The following MEOX2 variants were observed in gnomAD, a reference collection of about 807,000 sequenced individuals.
The protein encoded by MEOX2 is homeobox protein MOX-2.
Under a neutral mutation model 27.0 loss-of-function variants are expected in MEOX2, and 11 were observed. The observed-to-expected ratio is 0.41, with a 90% CI of 0.26 to 0.68. The LOEUF is 0.68. Among genes scored for constraint, MEOX2 ranks in the 30% least tolerant of loss-of-function variants. The pLI is 0.33. For missense variants in MEOX2, 436 were observed against 385.4 expected, an observed-to-expected ratio of 1.13 and a Z score of -1.10; for synonymous variants, 189 against 155.4, an observed-to-expected ratio of 1.22 and a Z score of -1.61.
chr7:15,680,375 G>C (rs534014602), intron 1 of MEOX2: 2 of 151,752 alleles, frequency 1.3e-5, no homozygotes, highest in Admixed American at 6.6e-5. Flanking sequence ...TAGAGAAATG[G>C]GCATCAGATT....
chr7:15,619,785 T>C (rs545117368), intron 2 of MEOX2, among the ~76,000 whole-genome samples: 3 of 152,148 alleles, frequency 2.0e-5, no homozygotes, highest in African/African-American at 7.2e-5. Context: ...AAAGGTAACG[T>C]TTATTTTTCT....
chr7:15,624,358 T>C (rs1447416769), intron 2 of MEOX2, among the ~76,000 whole-genome samples: 1 of 152,186 alleles, frequency 6.6e-6, no homozygotes, highest in Non-Finnish European at 1.5e-5. Context: ...ATCTCTCATG[T>C]TCTGTGTTAA....
At chr7:15,684,644 G>T (rs1209814858) in intron 1 of MEOX2, among the ~76,000 whole-genome samples, 1 of 152,104 alleles carries the variant, frequency 6.6e-6, no homozygotes, top group African/African-American at 2.4e-5. Flanking sequence ...CTTACCTAAA[G>T]CTTTACACAC....
intron 1 of MEOX2, among the ~76,000 whole-genome samples, chr7:15,634,857 C>G (rs1781457601): frequency 6.6e-6 from 1 of 151,952 alleles, no homozygotes; most frequent in African/African-American, 2.4e-5. Flanking sequence ...ATAAGTGACT[C>G]TAACTTCAGA....
intron 1 of MEOX2, among the ~76,000 whole-genome samples, chr7:15,643,545 G>C (rs1781595870): frequency 6.6e-6 from 1 of 152,116 alleles, no homozygotes; most frequent in South Asian, 2.1e-4. Flanking sequence ...GTCATGCCCA[G>C]GGGAGTCTTC....
chr7:15,652,975 T>C (rs1383789439), intron 1 of MEOX2, among the ~76,000 whole-genome samples: 1 of 152,008 alleles, frequency 6.6e-6, no homozygotes, highest in Non-Finnish European at 1.5e-5. Flanking sequence ...TGTTTTCATC[T>C]CTCTGAAATA....
At chr7:15,627,260 T>C (rs943868748) in intron 1 of MEOX2, among the ~76,000 whole-genome samples, 1 of 152,106 alleles carries the variant, frequency 6.6e-6, no homozygotes, top group African/African-American at 2.4e-5. Context: ...CATAAGTTGT[T>C]GAACATACGT....
At chr7:15,658,481 A>G (rs545327793) in intron 1 of MEOX2, among the ~76,000 whole-genome samples, 2 of 152,270 alleles carry the variant, frequency 1.3e-5, no homozygotes, top group African/African-American at 4.8e-5. Context: ...TTGTGTGTAT[A>G]TATTGGTGTG....
At chr7:15,674,529 A>G (rs185455842) in intron 1 of MEOX2, among the ~76,000 whole-genome samples, 1 of 150,956 alleles carries the variant, frequency 6.6e-6, no homozygotes, top group Non-Finnish European at 1.5e-5. Flanking sequence ...ATTTGGCAGT[A>G]AATTAAAATT....
In MEOX2 at chr7:15,612,237, C is replaced by G. The variant is rs1346457200; in HGVS notation, c.*150G>C. ...ATAAGTGGCACTTTGTGTAAACCCT[C>G]TATAAATCATGAAAAACAGATTCGA... On this transcript the variant is annotated 3_prime_UTR_variant, in exon 3 of 3. Coordinates refer to ENST00000262041, the MANE Select transcript of MEOX2 (RefSeq NM_005924.5). The G allele has an allele frequency of 8.8e-6, 6 of 678,400 alleles. No individual in the cohort carries two copies. The highest frequency in any genetic ancestry group is 8.3e-4 in the Middle Eastern group (2 of 2,406). The allele number at this position is 678,400 out of a possible 1,614,324, so 42.0% of individuals were successfully genotyped here.
chr7:15,680,911 A>G (rs1782282813), intron 1 of MEOX2: 1 of 151,754 alleles, frequency 6.6e-6, no homozygotes, highest in African/African-American at 2.4e-5. Flanking sequence ...ACTATAAGCC[A>G]GGAAATACAA....
At chr7:15,617,380 T>C (rs949654348) in intron 2 of MEOX2, among the ~76,000 whole-genome samples, 2 of 152,052 alleles carry the variant, frequency 1.3e-5, no homozygotes, top group African/African-American at 4.8e-5. Context: ...ATCACATCCC[T>C]AGTGATTAAA....
Position 15,679,965 on chromosome 7 carries a change from G to C in MEOX2, c.517+5921C>G, listed in dbSNP as rs186201437. The C allele has an allele frequency of 3.9e-3, 589 of 151,842 alleles. 3 individuals are homozygous for C. The highest frequency in any genetic ancestry group is 0.014 in the African/African-American group (564 of 41,496). The allele number at this position is 151,842 out of a possible 1,614,324, so 9.4% of individuals were successfully genotyped here. A position where few individuals can be genotyped will look rare whatever the true frequency, so the allele number is the denominator to read the frequency against. On this transcript the variant is annotated intron_variant, in intron 1 of 2. Transcript: ENST00000262041. ...TTAAAAATACAGTGCACAATTAGTA[G>C]TGAGTAACATATATAAATTTAGAAA...
intron 1 of MEOX2, among the ~76,000 whole-genome samples, chr7:15,658,049 C>G (rs1781851576): frequency 6.6e-6 from 1 of 152,184 alleles, no homozygotes; most frequent in African/African-American, 2.4e-5. Context: ...CCTTAGCTGG[C>G]AAGGATAAGA....
chr7:15,668,638 C>T lies in MEOX2; in HGVS notation c.517+17248G>A, dbSNP rs368880573. Reference sequence around the variant, plus strand: ...CTAGGATTACAGGCACCCACCACCACGCTAATTTTGTATTTTTAGTAGAGA... The same window carrying T: ...CTAGGATTACAGGCACCCACCACCATGCTAATTTTGTATTTTTAGTAGAGA... On this transcript the variant is annotated intron_variant, in intron 1 of 2. Transcript: ENST00000262041. Among the ~76,000 whole-genome samples the T allele has an allele frequency of 6.2e-4, 94 of 152,028 alleles. 3 individuals are homozygous for T. The South Asian group carries it at 0.017, about 28-fold the overall frequency.
chr7:15,628,307 G>A (rs1456029172), intron 1 of MEOX2, among the ~76,000 whole-genome samples: 2 of 152,036 alleles, frequency 1.3e-5, no homozygotes, highest in Non-Finnish European at 2.9e-5. Flanking sequence ...TTAATGTAAA[G>A]ACTTTTACTT....
intron 1 of MEOX2, among the ~76,000 whole-genome samples, chr7:15,684,259 T>A (rs574269093): frequency 2.6e-5 from 4 of 152,184 alleles, no homozygotes; most frequent in Non-Finnish European, 4.4e-5. Flanking sequence ...CGAACTGGGA[T>A]CTGCTTCCAA....
At chr7:15,662,515 T>A (rs1207288915) in intron 1 of MEOX2, among the ~76,000 whole-genome samples, 1 of 151,954 alleles carries the variant, frequency 6.6e-6, no homozygotes, top group Non-Finnish European at 1.5e-5. Context: ...AGATTCAAAA[T>A]AAAAGAATAG....
intron 1 of MEOX2, among the ~76,000 whole-genome samples, chr7:15,642,553 T>A (rs2115371629): frequency 6.6e-6 from 1 of 152,306 alleles, no homozygotes; most frequent in East Asian, 1.9e-4. Context: ...TCAACTTCCT[T>A]TTGGATCTTA....
Sources: allele counts gnomAD v4.1 joint callset (sites outside exome capture counted in the v4.1 genomes callset), GRCh38; gene constraint gnomAD v4.1.1; transcripts MANE v1.5; gene names NCBI Gene and HGNC (gene_info 2026-07-23, HGNC 2026-07-21).